The following SYNDIG1L variants were observed in gnomAD, a reference collection of about 807,000 sequenced individuals.
SYNDIG1L encodes synapse differentiation inducing 1 like, also known as synapse differentiation-inducing gene protein 1-like.
A neutral mutation model predicts 20.1 loss-of-function variants in SYNDIG1L; 13 were observed. The observed-to-expected ratio is 0.65, with a 90% CI of 0.42 to 1.03. The LOEUF (loss-of-function observed/expected upper bound fraction) is 1.03, where lower values mean the gene tolerates loss of function less well. Ranked by LOEUF, SYNDIG1L falls within the 50% of genes least tolerant of loss-of-function variation. The pLI, the probability that SYNDIG1L is intolerant of heterozygous loss-of-function variation, is 0.00. For missense variants in SYNDIG1L, 294 were observed against 305.1 expected (o/e 0.96, Z 0.27); for synonymous variants, 128 against 129.3 (o/e 0.99, Z 0.07).
chr14:74,440,530 A>C, the SYNDIG1L span, among the ~76,000 whole-genome samples: 26 of 149,484 alleles, frequency 1.7e-4, 1 homozygote, highest in Admixed American at 3.3e-4. Flanking sequence ...AAAAAAAAAA[A>C]AAAAAATTAG....
intron 1 of SYNDIG1L, among the ~76,000 whole-genome samples, chr14:74,417,117 CTG>C (rs1379114024): frequency 1.3e-5 from 2 of 152,186 alleles, no homozygotes; most frequent in Non-Finnish European, 2.9e-5. Flanking sequence ...TGTGGGGAAA[CTG>C]GGGTTTAGAG....
chr14:74,409,516 C>A lies in SYNDIG1L; in HGVS notation c.229G>T (p.Asp77Tyr). ...CCTGCCCTGGGCTCCTTGACCTTGT[C>A]TCTCCCCAGGAGGCAGCTGGGCCGG... is the stretch of plus-strand genomic sequence containing the variant. ...WYRPSCLLGRDKVKEPRAGSC... is the reference protein window; with the variant it reads ...WYRPSCLLGRYKVKEPRAGSC... Residue 77 changes from aspartate to tyrosine, a missense_variant, in exon 2 of 4, where the codon GAC becomes TAC. By Grantham distance (160) the Asp-to-Tyr change is radical. Transcript: ENST00000331628. 6.2e-7 allele frequency: 1 copy of A among 1,606,376 alleles called. No homozygotes were observed. Among genetic ancestry groups the A allele is most frequent in the African/African-American group, 1.3e-5 (1 of 74,750 alleles).
the SYNDIG1L span, among the ~76,000 whole-genome samples, chr14:74,457,655 T>C: frequency 1.6e-3 from 239 of 151,978 alleles, 1 homozygote; most frequent in African/African-American, 5.5e-3. Flanking sequence ...TGTAGGTGCT[T>C]CTCAGGATTA....
chr14:74,431,446 G>C, the SYNDIG1L span, among the ~76,000 whole-genome samples: 1 of 152,066 alleles, frequency 6.6e-6, no homozygotes, highest in Non-Finnish European at 1.5e-5. Flanking sequence ...TATACTCTTT[G>C]GTCCAGGACA....
chr14:74,411,427 G>A (rs1184151156), intron 1 of SYNDIG1L, among the ~76,000 whole-genome samples: 1 of 152,172 alleles, frequency 6.6e-6, no homozygotes, highest in East Asian at 1.9e-4. Flanking sequence ...TAAGGGTGAA[G>A]GGCAAAGTGC....
At chr14:74,465,556 GC>G in the SYNDIG1L span, among the ~76,000 whole-genome samples, 1 of 152,214 alleles carries the variant, frequency 6.6e-6, no homozygotes, top group Non-Finnish European at 1.5e-5. Context: ...CCAGGGAGCA[GC>G]AGAGAGACAG....
chr14:74,425,350 A>G (rs1292519096), intron 1 of SYNDIG1L, among the ~76,000 whole-genome samples: 10 of 152,188 alleles, frequency 6.6e-5, no homozygotes, highest in Admixed American at 6.5e-4. Context: ...AAAAAAATTG[A>G]GGTATCTTCC....
chr14:74,478,035 C>A, the SYNDIG1L span, among the ~76,000 whole-genome samples: 1 of 152,316 alleles, frequency 6.6e-6, no homozygotes, highest in East Asian at 1.9e-4. Flanking sequence ...GTTGTGTTCC[C>A]CTTTTGCTCT....
the SYNDIG1L span, chr14:74,480,065 G>A: frequency 2.6e-6 from 4 of 1,519,152 alleles, no homozygotes; most frequent in South Asian, 4.9e-5. Flanking sequence ...TGCATTTAAT[G>A]AAACCACCTA....
At chr14:74,456,284 C>T in the SYNDIG1L span, among the ~76,000 whole-genome samples, 1 of 152,176 alleles carries the variant, frequency 6.6e-6, no homozygotes, top group Non-Finnish European at 1.5e-5. Flanking sequence ...AATCCCAGCA[C>T]TTTGGGAGGC....
chr14:74,418,343 GCTTT>G (rs1443130916), intron 1 of SYNDIG1L, among the ~76,000 whole-genome samples: 2 of 152,212 alleles, frequency 1.3e-5, no homozygotes, highest in East Asian at 3.8e-4. Flanking sequence ...GGGGAACTGA[GCTTT>G]CTTTGTCTCA....
chr14:74,434,058 T>C, the SYNDIG1L span, among the ~76,000 whole-genome samples: 1 of 151,788 alleles, frequency 6.6e-6, no homozygotes, highest in Non-Finnish European at 1.5e-5. Flanking sequence ...ATTGCACATA[T>C]AATATAACAA....
At chr14:74,449,100 G>T in the SYNDIG1L span, among the ~76,000 whole-genome samples, 1 of 151,872 alleles carries the variant, frequency 6.6e-6, no homozygotes, top group African/African-American at 2.4e-5. Context: ...TGGCATGGTG[G>T]TGTGTGCCTA....
the SYNDIG1L span, among the ~76,000 whole-genome samples, chr14:74,466,776 T>C: frequency 6.6e-6 from 1 of 152,236 alleles, no homozygotes; most frequent in Non-Finnish European, 1.5e-5. Flanking sequence ...AAGAGTGTGA[T>C]AACCACTGGG....
In SYNDIG1L at chr14:74,415,659, C is replaced by T. The variant is rs548837402; in HGVS notation, c.-57-5858G>A. ...GGCTCAAGGGATTCTCCTATCTCAA[C>T]CTCCCAGGTAGCTGGGACTATAGGC... On this transcript the variant is annotated intron_variant, in intron 1 of 3. Coordinates refer to ENST00000331628, the MANE Select transcript of SYNDIG1L (RefSeq NM_001105579.2). Among the ~76,000 whole-genome samples, 12 of 152,190 alleles carry T rather than the reference C, an allele frequency of 7.9e-5. No individual in the cohort carries two copies. The South Asian group carries it at 1.7e-3, about 21-fold the overall frequency.
At chr14:74,409,272 C>T (rs1364938140) in intron 2 of SYNDIG1L, 56 bp downstream of exon 2, 19 of 1,258,210 alleles carry the variant, frequency 1.5e-5, no homozygotes, top group South Asian at 3.8e-5. Context: ...TTTGTAGAGT[C>T]GGGGTCTCCT....
chr14:74,460,277 C>T, the SYNDIG1L span, among the ~76,000 whole-genome samples: 2 of 152,034 alleles, frequency 1.3e-5, no homozygotes, highest in African/African-American at 2.4e-5. Context: ...GCCGTGGATC[C>T]GTCTTGTTCA....
Position 74,409,315 on chromosome 14 carries a change from CT to C in SYNDIG1L, c.417+12del. On this transcript the variant is annotated intron_variant, in intron 2 of 3. Transcript: ENST00000331628. ...CTCATGCTGGAATCTGCATTTTAAC[CT>C]CATGCACTCACCTCCTCTTCCTCCT... The C allele has an allele frequency of 6.7e-7, 1 of 1,492,354 alleles. No individual in the cohort carries two copies. Among genetic ancestry groups the C allele is most frequent in the Non-Finnish European group, 9.0e-7 (1 of 1,112,708 alleles). 92.4% of individuals were successfully genotyped at this position (1,492,354 alleles called of 1,614,324 possible).
At chr14:74,434,154 G>T in the SYNDIG1L span, among the ~76,000 whole-genome samples, 1 of 152,212 alleles carries the variant, frequency 6.6e-6, no homozygotes, top group South Asian at 2.1e-4. Context: ...AGGTAACTTT[G>T]GTTCATTTAA....
Sources: gnomAD v4.1 joint callset for allele counts (sites outside exome capture counted in the v4.1 genomes callset) on GRCh38, gnomAD v4.1.1 for gene constraint, MANE v1.5 for transcripts, NCBI Gene and HGNC (gene_info 2026-07-23, HGNC 2026-07-21) for gene names.